FHIT: variants seen among roughly 807,000 people sequenced by gnomAD.
FHIT encodes the protein fragile histidine triad diadenosine triphosphatase, also known as bis(5'-adenosyl)-triphosphatase.
A neutral mutation model predicts 17.9 loss-of-function variants in FHIT; 19 were observed. The observed-to-expected ratio is 1.06, with a 90% CI of 0.74 to 1.56. The LOEUF is 1.56. Among genes scored for constraint, FHIT ranks in the 40% most tolerant of loss-of-function variants. The pLI, the probability that FHIT is intolerant of heterozygous loss-of-function variation, is 0.00. For missense variants in FHIT, 248 were observed against 189.2 expected, an observed-to-expected ratio of 1.31 and a Z score of -1.82; for synonymous variants, 81 against 69.7, an observed-to-expected ratio of 1.16 and a Z score of -0.81.
At chr3:60,520,128 G>C (rs771697675) in intron 5 of FHIT, among the ~76,000 whole-genome samples, 2 of 152,034 alleles carry the variant, frequency 1.3e-5, no homozygotes, top group South Asian at 2.1e-4. Flanking sequence ...GTGTGCCTAC[G>C]TTTCGATAAA....
At chr3:61,074,594 G>A (rs1448069277) in intron 2 of FHIT, among the ~76,000 whole-genome samples, 1 of 152,158 alleles carries the variant, frequency 6.6e-6, no homozygotes, top group Non-Finnish European at 1.5e-5. Context: ...GGCTGGGGCT[G>A]AGTTGAGGCT....
intron 1 of FHIT, among the ~76,000 whole-genome samples, chr3:61,210,914 G>C (rs2039445266): frequency 6.6e-6 from 1 of 151,868 alleles, no homozygotes; most frequent in Non-Finnish European, 1.5e-5. Context: ...GGGAGCTGTA[G>C]ACTGGAACTG....
chr3:60,374,164 T>C (rs1700448229), intron 5 of FHIT, among the ~76,000 whole-genome samples: 1 of 152,182 alleles, frequency 6.6e-6, no homozygotes, highest in South Asian at 2.1e-4. Context: ...CCAAGAAATA[T>C]TTCTATCAAT....
chr3:59,874,362 G>T (rs527474522), intron 8 of FHIT, among the ~76,000 whole-genome samples: 1 of 152,296 alleles, frequency 6.6e-6, no homozygotes, highest in South Asian at 2.1e-4. Context: ...CCATAATTTC[G>T]ACTAGCATGG....
In FHIT at chr3:60,339,578, C is replaced by T. The variant is rs112053055; in HGVS notation, c.103+197282G>A. On this transcript the variant is annotated intron_variant, in intron 5 of 9. Transcript: ENST00000492590. ...AGTTTACCCAAGCTCCTTACTTATTCTCATTTACCCTCTAGAATTTTATTT... is the reference window on the plus strand; with the variant it reads ...AGTTTACCCAAGCTCCTTACTTATTTTCATTTACCCTCTAGAATTTTATTT... Among the ~76,000 whole-genome samples, 313 of 152,272 alleles carry T rather than the reference C, an allele frequency of 2.1e-3. 1 individual carries two copies. The highest frequency in any genetic ancestry group is 6.8e-3 in the Middle Eastern group (2 of 294).
intron 8 of FHIT, among the ~76,000 whole-genome samples, chr3:59,836,938 T>A (rs1432444488): frequency 6.6e-6 from 1 of 152,232 alleles, no homozygotes; most frequent in Non-Finnish European, 1.5e-5. Flanking sequence ...AGATTTGACT[T>A]GTTATAGTGC....
chr3:60,009,168 TGTG>T (rs1559544791), intron 7 of FHIT, among the ~76,000 whole-genome samples: 7 of 8,018 alleles, frequency 8.7e-4, no homozygotes, highest in African/African-American at 2.6e-3. Flanking sequence ...GGATTTTATG[TGTG>T]TGTGTGTGTG....
At chr3:60,640,300 T>A (rs1229417604) in intron 4 of FHIT, among the ~76,000 whole-genome samples, 1 of 152,132 alleles carries the variant, frequency 6.6e-6, no homozygotes, top group East Asian at 1.9e-4. Context: ...AATAAGCTTT[T>A]TTTTTCCTAA....
At chr3:60,091,459 G>T (rs1703727317) in intron 5 of FHIT, among the ~76,000 whole-genome samples, 1 of 152,194 alleles carries the variant, frequency 6.6e-6, no homozygotes, top group Non-Finnish European at 1.5e-5. Context: ...GTTGAGGAAG[G>T]AAGAGAGTGT....
At chr3:60,865,750 G>A (rs76531613) in intron 3 of FHIT, among the ~76,000 whole-genome samples, 3,875 of 152,090 alleles carry the variant, frequency 0.025, 161 homozygotes, top group African/African-American at 0.087. Flanking sequence ...CCTAAATGGG[G>A]GGCTGTGACA....
intron 5 of FHIT, among the ~76,000 whole-genome samples, chr3:60,232,963 G>A (rs927844349): frequency 9.2e-5 from 14 of 152,086 alleles, no homozygotes; most frequent in African/African-American, 3.4e-4. Context: ...AAAGAGTTCT[G>A]ATGTTCTAGA....
intron 4 of FHIT, among the ~76,000 whole-genome samples, chr3:60,719,506 A>G (rs950110140): frequency 6.6e-6 from 1 of 152,130 alleles, no homozygotes; most frequent in Admixed American, 6.5e-5. Context: ...GGAGACAGAC[A>G]AGGTTCACAT....
In FHIT at chr3:59,751,755, C is replaced by G. The variant is rs375421534; in HGVS notation, c.*5+466G>C. On this transcript the variant is annotated intron_variant, in intron 9 of 9. Coordinates refer to ENST00000492590, the MANE Select transcript of FHIT (RefSeq NM_002012.4). ...CCAAATAGCAACTGAAGAGAAGAGT[C>G]CACTCAGTGAAAGCAGAGGAGTTTG... 2.6e-5 allele frequency: 6 copies of G among 234,466 alleles called. No individual in the cohort carries two copies. In the East Asian group the frequency reaches 3.6e-4, roughly 14 times the overall value. The allele number at this position is 234,466 out of a possible 1,614,324, so 14.5% of individuals were successfully genotyped here.
At chr3:60,541,084 C>T (rs6446132) in intron 4 of FHIT, among the ~76,000 whole-genome samples, 129,897 of 152,144 alleles carry the variant, frequency 0.85, 55,655 homozygotes, top group African/African-American at 0.91. Flanking sequence ...CTCCCAATCC[C>T]TGGGCCTTTT....
At chr3:60,985,126 G>T (rs1274006144) in intron 3 of FHIT, among the ~76,000 whole-genome samples, 1 of 152,068 alleles carries the variant, frequency 6.6e-6, no homozygotes, top group Non-Finnish European at 1.5e-5. Context: ...CATGAGTATG[G>T]CATTGAAGGA....
At chr3:60,139,393 T>G (rs1054464198) in intron 5 of FHIT, among the ~76,000 whole-genome samples, 16 of 432 alleles carry the variant, frequency 0.037, no homozygotes, top group African/African-American at 0.1. Context: ...TAAAAAGGGT[T>G]TAGCACCCAC....
intron 4 of FHIT, among the ~76,000 whole-genome samples, chr3:60,637,858 G>A (rs936560306): frequency 5.9e-5 from 9 of 152,128 alleles, no homozygotes; most frequent in Non-Finnish European, 1.2e-4. Flanking sequence ...AAAGGGACCA[G>A]GGATTCTTAA....
At chr3:60,448,804 C>A (rs1279960411) in intron 5 of FHIT, among the ~76,000 whole-genome samples, 1 of 152,166 alleles carries the variant, frequency 6.6e-6, no homozygotes, top group Non-Finnish European at 1.5e-5. Flanking sequence ...TTCCCTACTA[C>A]ATCTCACTAA....
rs550657047 is a variant in FHIT at position 61,127,789 on chromosome 3, G to T, written c.-164+72828C>A. Reference sequence around the variant, plus strand: ...GGAGGCTGAGACAGGAGAATCACTTGAAACCAGGAGGCGGAGACTGCAGTG... The same window carrying T: ...GGAGGCTGAGACAGGAGAATCACTTTAAACCAGGAGGCGGAGACTGCAGTG... On this transcript the variant is annotated intron_variant, in intron 2 of 9. Coordinates refer to ENST00000492590, the MANE Select transcript of FHIT (RefSeq NM_002012.4). Among the ~76,000 whole-genome samples, 3 of 152,162 alleles carry T rather than the reference G, an allele frequency of 2.0e-5. No individual in the cohort carries two copies. In the South Asian group the frequency reaches 6.2e-4, roughly 32 times the overall value.
Sources: allele counts gnomAD v4.1 joint callset (sites outside exome capture counted in the v4.1 genomes callset), GRCh38; gene constraint gnomAD v4.1.1; transcripts MANE v1.5; gene names NCBI Gene and HGNC (gene_info 2026-07-23, HGNC 2026-07-21).